LRRC66: variants seen among roughly 807,000 people sequenced by gnomAD.
LRRC66 encodes leucine rich repeat containing 66.
A neutral mutation model predicts 24.6 loss-of-function variants in LRRC66; 29 were observed. That is an observed-to-expected ratio of 1.18 (90% CI 0.88 to 1.61). The LOEUF is 1.61. LRRC66 is among the 40% of genes most tolerant of loss of function. The pLI is 0.00. For synonymous variants in LRRC66, 411 were observed against 397.6 expected (o/e 1.03, Z -0.40); for missense variants, 1,124 against 1,058.0 (o/e 1.06, Z -0.87).
intron 2 of LRRC66, among the ~76,000 whole-genome samples, chr4:52,014,368 G>A (rs541503649): frequency 3.3e-5 from 5 of 152,294 alleles, no homozygotes; most frequent in African/African-American, 4.8e-5. Flanking sequence ...GTATTTGCAA[G>A]GTAAATCTTC....
rs1736254761 is a variant in LRRC66 at position 51,994,835 on chromosome 4, C to A, written c.2187G>T (p.Val729=). 5 of 1,614,248 alleles carry A rather than the reference C, an allele frequency of 3.1e-6. No individual in the cohort carries two copies. The highest frequency in any genetic ancestry group is 4.2e-6 in the Non-Finnish European group (5 of 1,180,054). The change falls in exon 5 of 5, where the codon GTG becomes GTT. Residue 729 remains valine (V), a synonymous_variant. Transcript: ENST00000682860. ...ESARSKTEEA[V]PDEESLQDES... ...CGTCCTGCAGGGACTCCTCATCAGGCACTGCCTCTTCAGTCTTGCTCCTTG... is the reference window on the plus strand; with the variant it reads ...CGTCCTGCAGGGACTCCTCATCAGGAACTGCCTCTTCAGTCTTGCTCCTTG...
Position 51,997,837 on chromosome 4 carries a change from C to A in LRRC66, c.767G>T (p.Trp256Leu), listed in dbSNP as rs780591972. ...HLVVDLADNN[W>L]QCDDSVAVFQ... is the part of the protein sequence containing the mutation. ...GACTGCCACACTATCATCACACTGC[C>A]AGTTATTATCAGCCAAGTCAACCAC... is the stretch of plus-strand genomic sequence containing the variant. Residue 256 changes from tryptophan (W) to leucine (L), a missense_variant, in exon 4 of 5, where the codon TGG becomes TTG. Physicochemically the swap from Trp to Leu is moderately conservative, Grantham distance 61. Coordinates refer to ENST00000682860, the MANE Select transcript of LRRC66 (RefSeq NM_001024611.3). 4.3e-6 allele frequency: 7 copies of A among 1,613,988 alleles called. No individual in the cohort carries two copies. The South Asian group carries it at 7.7e-5, about 18-fold the overall frequency.
chr4:51,998,015 T>C, intron 3 of LRRC66, 78 bp from the exon 4 acceptor site: 1 of 1,250,422 alleles, frequency 8.0e-7, no homozygotes, highest in Non-Finnish European at 1.1e-6. Context: ...TACAGAAAAC[T>C]ACTGTTTATG....
chr4:52,004,122 C>T (rs1417611971), intron 2 of LRRC66, among the ~76,000 whole-genome samples: 1 of 152,170 alleles, frequency 6.6e-6, no homozygotes, highest in African/African-American at 2.4e-5. Flanking sequence ...CCTGCCTCAG[C>T]CTCCTGAGTG....
intron 1 of LRRC66, among the ~76,000 whole-genome samples, chr4:52,018,770 C>A (rs115305963): frequency 2.9e-3 from 440 of 152,298 alleles, no homozygotes; most frequent in Non-Finnish European, 5.1e-3. Flanking sequence ...TTGATAAGTT[C>A]ATGTGGAGCC....
At position 51,994,412 on chromosome 4, in the gene LRRC66, G is replaced by A. The variant is rs913057374; in HGVS notation, c.2610C>T (p.Ala870=). 1.9e-6 allele frequency: 3 copies of A among 1,613,088 alleles called. No homozygotes were observed. The highest frequency in any genetic ancestry group is 2.7e-5 in the African/African-American group (2 of 74,854). The change falls in exon 5 of 5, where the codon GCC becomes GCT. Residue 870 remains alanine, a synonymous_variant. Coordinates refer to ENST00000682860, the MANE Select transcript of LRRC66 (RefSeq NM_001024611.3). ...AAATGTCTGAGTCTCTTTCATGGAA[G>A]GCAGCCTTATCAGGATCTGAGGGAA... ...AEVPSDPDKA[A]FHERDSDILK
Position 51,994,490 on chromosome 4 carries a change from T to A in LRRC66, c.2532A>T (p.Leu844Phe), listed in dbSNP as rs1267439968. The A allele has an allele frequency of 6.2e-7, 1 of 1,614,130 alleles. No homozygotes were observed. The highest frequency in any genetic ancestry group is 2.2e-5 in the East Asian group (1 of 44,886). ...GTAAAACGTCCACATTTGAAAATTCTAAGTCTCTAAGTGAGCAATGCCATT... is the reference window on the plus strand; with the variant it reads ...GTAAAACGTCCACATTTGAAAATTCAAAGTCTCTAAGTGAGCAATGCCATT... ...AAEWHCSLRD[L>F]EFSNVDVLQQ... Residue 844 changes from leucine (L) to phenylalanine (F), a missense_variant, in exon 5 of 5, where the codon TTA becomes TTT. Coordinates refer to ENST00000682860, the MANE Select transcript of LRRC66 (RefSeq NM_001024611.3).
chr4:51,999,262 G>A (rs1462275015), intron 3 of LRRC66, among the ~76,000 whole-genome samples: 1 of 152,190 alleles, frequency 6.6e-6, no homozygotes, highest in African/African-American at 2.4e-5. Flanking sequence ...AAGGCCAATT[G>A]CTTTATAGAC....
chr4:52,015,301 A>G (rs562897776), intron 2 of LRRC66, among the ~76,000 whole-genome samples: 6 of 152,140 alleles, frequency 3.9e-5, no homozygotes, highest in Non-Finnish European at 8.8e-5. Context: ...CCTTTAGAAG[A>G]AAGTGATTTC....
intron 1 of LRRC66, chr4:52,018,147 T>C (rs773423973): frequency 1.0e-6 from 1 of 985,436 alleles, no homozygotes; most frequent in Non-Finnish European, 1.2e-6. Flanking sequence ...CTAGAAGAAA[T>C]ACAAGTTTTG....
intron 1 of LRRC66, among the ~76,000 whole-genome samples, chr4:52,019,328 A>G (rs532174783): frequency 6.6e-6 from 1 of 151,924 alleles, no homozygotes; most frequent in East Asian, 1.9e-4. Flanking sequence ...CAGCGTTGCT[A>G]TTGTTTTGCT....
rs181020052 is a variant in LRRC66 at position 52,012,931 on chromosome 4, C to T, written c.496+4187G>A. On this transcript the variant is annotated intron_variant, in intron 2 of 4. Coordinates refer to ENST00000682860, the MANE Select transcript of LRRC66 (RefSeq NM_001024611.3). ...TCCTTCTGTACTATGAACTTAAGTG[C>T]TCTCCCAAGTGTGATAACCTGATAA... Among the ~76,000 whole-genome samples, 23 of 152,302 alleles carry T rather than the reference C, an allele frequency of 1.5e-4. No individual in the cohort carries two copies. In the East Asian group the frequency reaches 4.2e-3, roughly 28 times the overall value.
At chr4:52,004,636 T>C (rs1490880204) in intron 2 of LRRC66, among the ~76,000 whole-genome samples, 1 of 152,242 alleles carries the variant, frequency 6.6e-6, no homozygotes, top group Non-Finnish European at 1.5e-5. Flanking sequence ...TTCTTGCATG[T>C]AGCCTGTGTC....
At chr4:52,018,502 A>G (rs1017045641) in intron 1 of LRRC66, 2 of 985,400 alleles carry the variant, frequency 2.0e-6, no homozygotes, top group African/African-American at 3.5e-5. Flanking sequence ...TTTCTGTTCT[A>G]ATGGCACTCA....
At chr4:52,004,183 A>G (rs533708134) in intron 2 of LRRC66, among the ~76,000 whole-genome samples, 1 of 151,930 alleles carries the variant, frequency 6.6e-6, no homozygotes, top group African/African-American at 2.4e-5. Flanking sequence ...CTTTTTTTGT[A>G]TTTTTAGTAG....
chr4:52,010,234 A>G (rs1274085589), intron 2 of LRRC66, among the ~76,000 whole-genome samples: 1 of 152,216 alleles, frequency 6.6e-6, no homozygotes, highest in Admixed American at 6.5e-5. Flanking sequence ...CAGATAAATG[A>G]ATCCACATGA....
chr4:51,995,335 G>T lies in LRRC66; in HGVS notation c.1687C>A (p.His563Asn). 6.2e-7 allele frequency: 1 copy of T among 1,614,214 alleles called. No homozygotes were observed. Among genetic ancestry groups the T allele is most frequent in the Non-Finnish European group, 8.5e-7 (1 of 1,180,036 alleles). ...TAACGGCTTGAGCCAGAGACAGCGT[G>T]AGACGTGCCAGCTACAGAAGAGACG... ...VGVSSVAGTSHAVSGSSRYDS... is the reference protein window; with the variant it reads ...VGVSSVAGTSNAVSGSSRYDS... Residue 563 changes from histidine (H) to asparagine (N), a missense_variant, in exon 5 of 5, where the codon CAC becomes AAC. Physicochemically the swap from His to Asn is moderately conservative, Grantham distance 68. Coordinates refer to ENST00000682860, the MANE Select transcript of LRRC66 (RefSeq NM_001024611.3).
intron 3 of LRRC66, among the ~76,000 whole-genome samples, chr4:51,998,700 C>G (rs1434640309): frequency 6.6e-6 from 1 of 152,186 alleles, no homozygotes; most frequent in Non-Finnish European, 1.5e-5. Flanking sequence ...GCTCTAGAAA[C>G]AGAGAGCAGG....
intron 1 of LRRC66, chr4:52,018,161 T>A: frequency 1.0e-6 from 1 of 985,392 alleles, no homozygotes; most frequent in South Asian, 4.7e-5. Flanking sequence ...AGTTTTGCTG[T>A]GTGGCTTGTG....
Sources: allele counts gnomAD v4.1 joint callset (sites outside exome capture counted in the v4.1 genomes callset), GRCh38; gene constraint gnomAD v4.1.1; transcripts MANE v1.5; gene names NCBI Gene and HGNC (gene_info 2026-07-23, HGNC 2026-07-21).